The following NOL4 variants were observed in gnomAD, a reference collection of about 807,000 sequenced individuals.
The protein encoded by NOL4 is cancer/testis antigen 125.
Under a neutral mutation model 75.9 loss-of-function variants are expected in NOL4, and 17 were observed. The observed-to-expected ratio is 0.22, with a 90% confidence interval of 0.15 to 0.34. NOL4 has a LOEUF of 0.34. Ranked by LOEUF, NOL4 falls within the 10% of genes least tolerant of loss-of-function variation. The pLI, the probability that NOL4 is intolerant of heterozygous loss-of-function variation, is 1.00. For missense variants in NOL4, 614 were observed against 793.5 expected (o/e 0.77, Z 2.72); for synonymous variants, 292 against 289.9 (o/e 1.01, Z -0.07).
At chr18:33,871,340 A>G (rs557867744) in intron 10 of NOL4, among the ~76,000 whole-genome samples, 1 of 152,092 alleles carries the variant, frequency 6.6e-6, no homozygotes, top group East Asian at 1.9e-4. Context: ...TGGAAATTCC[A>G]TCAGTACCCG....
chr18:34,218,245 C>T (rs555316243), intron 1 of NOL4, among the ~76,000 whole-genome samples: 3 of 152,102 alleles, frequency 2.0e-5, no homozygotes, highest in Non-Finnish European at 4.4e-5. Context: ...ATCATTCCTC[C>T]GTCTTATGCA....
chr18:33,931,222 G>T (rs1357937359), intron 9 of NOL4, among the ~76,000 whole-genome samples: 1 of 152,100 alleles, frequency 6.6e-6, no homozygotes, highest in Non-Finnish European at 1.5e-5. Context: ...TGACAATTTA[G>T]GATTCTTAGT....
At chr18:33,880,264 C>T (rs368665978) in intron 10 of NOL4, among the ~76,000 whole-genome samples, 1 of 149,684 alleles carries the variant, frequency 6.7e-6, no homozygotes. Flanking sequence ...TTCCAGTTAT[C>T]TTTTTACTTT....
chr18:33,910,140 C>T (rs186034886), intron 9 of NOL4, among the ~76,000 whole-genome samples: 7 of 152,172 alleles, frequency 4.6e-5, no homozygotes, highest in Admixed American at 1.3e-4. Context: ...AATTGTGCCA[C>T]GTAGTATTCA....
chr18:33,943,336 T>C (rs2068622607), intron 8 of NOL4, among the ~76,000 whole-genome samples, 158 bp from the exon 9 acceptor site: 1 of 151,784 alleles, frequency 6.6e-6, no homozygotes, highest in African/African-American at 2.4e-5. Flanking sequence ...ATGGAAATTG[T>C]AAAGATGAAA....
chr18:33,928,387 G>A (rs1256437828), intron 9 of NOL4, among the ~76,000 whole-genome samples: 1 of 152,108 alleles, frequency 6.6e-6, no homozygotes, highest in Non-Finnish European at 1.5e-5. Context: ...AAATGTGGGA[G>A]AATGCTTAAT....
At position 34,093,654 on chromosome 18, in the gene NOL4, T is replaced by C. The variant is rs116420022; in HGVS notation, c.640-57A>G. Reference sequence around the variant, plus strand: ...TTTAACGTATAATACGTTTAAATAATAACCATTTTATCTACACAGTCAATT... The same window carrying C: ...TTTAACGTATAATACGTTTAAATAACAACCATTTTATCTACACAGTCAATT... On this transcript the variant is annotated intron_variant, in intron 4 of 10. Coordinates refer to ENST00000261592, the MANE Select transcript of NOL4 (RefSeq NM_003787.5). 2.5e-3 allele frequency: 3,283 copies of C among 1,304,610 alleles called. 59 individuals carry two copies. The African/African-American group carries it at 0.042, about 17-fold the overall frequency. The allele number at this position is 1,304,610 out of a possible 1,614,324, so 80.8% of individuals were successfully genotyped here. A position where few individuals can be genotyped will look rare whatever the true frequency, so the allele number is the denominator to read the frequency against.
At position 34,082,159 on chromosome 18, in the gene NOL4, TA is replaced by T. The variant is rs1335072331; in HGVS notation, c.772+11305del. Reference sequence around the variant, plus strand: ...ATGGAATGGTTGAGCCTGCAAAGCATAAAACAATAGGTGTGAGCAAGCATAA... The same window carrying T: ...ATGGAATGGTTGAGCCTGCAAAGCATAAACAATAGGTGTGAGCAAGCATAA... On this transcript the variant is annotated intron_variant, in intron 5 of 10. Coordinates refer to ENST00000261592, the MANE Select transcript of NOL4 (RefSeq NM_003787.5). Among the ~76,000 whole-genome samples the T allele has an allele frequency of 3.3e-5, 5 of 152,256 alleles. No homozygotes were observed. In the East Asian group the frequency reaches 7.7e-4, roughly 23 times the overall value.
At chr18:34,067,815 A>G (rs538916942) in intron 5 of NOL4, among the ~76,000 whole-genome samples, 58 of 151,954 alleles carry the variant, frequency 3.8e-4, no homozygotes, top group Non-Finnish European at 6.6e-4. Flanking sequence ...TATTTTTTTT[A>G]ATTTTGTGCC....
chr18:33,907,515 T>C (rs2066133677), intron 9 of NOL4, among the ~76,000 whole-genome samples: 1 of 152,150 alleles, frequency 6.6e-6, no homozygotes, highest in African/African-American at 2.4e-5. Context: ...CAGTCTATTA[T>C]CTATAAAAAT....
chr18:34,114,489 G>A (rs1425186240), intron 2 of NOL4, among the ~76,000 whole-genome samples: 5 of 152,002 alleles, frequency 3.3e-5, no homozygotes, highest in East Asian at 3.8e-4. Context: ...ACTGGAACAC[G>A]GCCACATTGA....
chr18:33,961,107 T>C (rs2070084678), intron 6 of NOL4, among the ~76,000 whole-genome samples: 1 of 151,904 alleles, frequency 6.6e-6, no homozygotes, highest in Non-Finnish European at 1.5e-5. Context: ...TATTACATTA[T>C]AAATGGTTTC....
At chr18:33,920,473 T>A (rs1242264441) in intron 9 of NOL4, among the ~76,000 whole-genome samples, 1 of 152,206 alleles carries the variant, frequency 6.6e-6, no homozygotes, top group East Asian at 1.9e-4. Flanking sequence ...AAGCCATACA[T>A]GCATTCTTCA....
intron 1 of NOL4, among the ~76,000 whole-genome samples, chr18:34,218,106 A>T (rs1433610941): frequency 6.6e-6 from 1 of 152,010 alleles, no homozygotes; most frequent in East Asian, 1.9e-4. Context: ...GACCAAAAAA[A>T]AAAAAACAAA....
intron 2 of NOL4, among the ~76,000 whole-genome samples, chr18:34,125,375 A>G (rs1455729944): frequency 1.3e-5 from 2 of 152,212 alleles, no homozygotes. Context: ...CAAAGAGGCT[A>G]CATGAATTGT....
intron 1 of NOL4, among the ~76,000 whole-genome samples, chr18:34,197,720 T>C (rs1484616591): frequency 1.3e-5 from 2 of 151,268 alleles, no homozygotes; most frequent in African/African-American, 4.9e-5. Flanking sequence ...TGGAAGGTGG[T>C]TTGAATTCCT....
intron 1 of NOL4, among the ~76,000 whole-genome samples, chr18:34,164,395 G>GACA (rs1555744515): frequency 2.1e-4 from 32 of 151,572 alleles, no homozygotes; most frequent in Admixed American, 1.7e-3. Context: ...AAATTTACAA[G>GACA]AAAAAAAACA....
intron 1 of NOL4, among the ~76,000 whole-genome samples, chr18:34,216,623 A>C (rs1248332055): frequency 1.4e-5 from 2 of 148,130 alleles, no homozygotes; most frequent in African/African-American, 4.9e-5. Context: ...AATGAATATA[A>C]TAAATTATAA....
intron 5 of NOL4, among the ~76,000 whole-genome samples, chr18:34,042,725 T>C (rs988335898): frequency 1.3e-5 from 2 of 152,062 alleles, no homozygotes; most frequent in African/African-American, 4.8e-5. Context: ...ATGAACTAGT[T>C]ATCTCCATAT....
Sources: allele counts gnomAD v4.1 joint callset (sites outside exome capture counted in the v4.1 genomes callset), GRCh38; gene constraint gnomAD v4.1.1; transcripts MANE v1.5; gene names NCBI Gene and HGNC (gene_info 2026-07-23, HGNC 2026-07-21).